EPS15L1: variants seen among roughly 807,000 people sequenced by gnomAD.
EPS15L1 encodes the protein epidermal growth factor receptor substrate 15-like 1.
A neutral mutation model predicts 117.1 loss-of-function variants in EPS15L1; 43 were observed. The observed-to-expected ratio is 0.37, with a 90% CI of 0.29 to 0.47. EPS15L1 has a LOEUF of 0.47. Ranked by LOEUF, EPS15L1 falls within the 20% of genes least tolerant of loss-of-function variation. The pLI is 0.99. For synonymous variants in EPS15L1, 459 were observed against 470.5 expected (o/e 0.98, Z 0.32); for missense variants, 981 against 1,164.0 (o/e 0.84, Z 2.29).
intron 6 of EPS15L1, among the ~76,000 whole-genome samples, chr19:16,436,320 G>A (rs1335343323): frequency 2.0e-5 from 3 of 152,226 alleles, no homozygotes; most frequent in Non-Finnish European, 4.4e-5. Flanking sequence ...TACTTGGAGG[G>A]ACCATGCTCA....
At chr19:16,393,593 G>A (rs960877975) in intron 18 of EPS15L1, among the ~76,000 whole-genome samples, 6 of 149,414 alleles carry the variant, frequency 4.0e-5, no homozygotes, top group Admixed American at 1.3e-4. Context: ...AGCTTGCAGT[G>A]AGCCGAGATC....
At chr19:16,413,644 A>T in intron 13 of EPS15L1, 129 bp downstream of exon 13, 1 of 778,310 alleles carries the variant, frequency 1.3e-6, no homozygotes, top group Admixed American at 2.6e-5. Flanking sequence ...TTCATTCTGC[A>T]GCCCCCAAGA....
chr19:16,392,031 G>A (rs572880010), intron 19 of EPS15L1, among the ~76,000 whole-genome samples: 1 of 152,178 alleles, frequency 6.6e-6, no homozygotes, highest in Non-Finnish European at 1.5e-5. Context: ...AGAACTATGG[G>A]TGACATCCTC....
intron 1 of EPS15L1, among the ~76,000 whole-genome samples, chr19:16,457,116 C>A (rs572650916): frequency 2.8e-4 from 43 of 152,292 alleles, no homozygotes; most frequent in Admixed American, 5.2e-4. Context: ...GGGACTGCAG[C>A]GACTCACAAT....
rs752707354 is a variant in EPS15L1, at chr19:16,442,202, C to T, written c.51G>A (p.Ser17=). 2.0e-5 allele frequency: 33 copies of T among 1,613,474 alleles called. No homozygotes were observed. Among genetic ancestry groups the T allele is most frequent in the East Asian group, 4.5e-5 (2 of 44,882 alleles). ...PLSQQIPTGN[S]LYESYYKQVD... ...CCTGCTTGTAATAAGATTCATACAA[C>T]GAATTTCCAGTGGGAATCTGTAAAT... Residue 17 remains serine (S), a synonymous_variant, in exon 2 of 24, where the codon TCG becomes TCA. Transcript: ENST00000455140.
chr19:16,450,039 G>T (rs904173463), intron 1 of EPS15L1, among the ~76,000 whole-genome samples: 1 of 151,842 alleles, frequency 6.6e-6, no homozygotes, highest in African/African-American at 2.4e-5. Context: ...AAGGGCAACA[G>T]GAGGGACGTG....
intron 8 of EPS15L1, 50 bp downstream of exon 8, chr19:16,428,652 A>C: frequency 1.4e-6 from 2 of 1,442,710 alleles, no homozygotes; most frequent in Non-Finnish European, 1.9e-6. Flanking sequence ...ACCCCTGCGC[A>C]CTGCACATTT....
intron 16 of EPS15L1, among the ~76,000 whole-genome samples, chr19:16,397,079 AT>A (rs2092548202): frequency 6.6e-6 from 1 of 151,142 alleles, no homozygotes; most frequent in South Asian, 2.1e-4. Flanking sequence ...GTTTATGTCT[AT>A]TTTTCTTTCT....
At chr19:16,373,453 G>C (rs530599735) in intron 22 of EPS15L1, among the ~76,000 whole-genome samples, 1 of 150,516 alleles carries the variant, frequency 6.6e-6, no homozygotes, top group African/African-American at 2.4e-5. Context: ...ATAAAGTCCA[G>C]CAGTTTGAAA....
chr19:16,400,688 C>T (rs2092591790), intron 16 of EPS15L1: 2 of 985,310 alleles, frequency 2.0e-6, no homozygotes, highest in Admixed American at 1.2e-4. Context: ...TTTCGGATGC[C>T]AGTTGCAAGT....
At chr19:16,465,202 T>G (rs1353104837) in intron 1 of EPS15L1, among the ~76,000 whole-genome samples, 1 of 152,170 alleles carries the variant, frequency 6.6e-6, no homozygotes, top group Non-Finnish European at 1.5e-5. Flanking sequence ...AAGCTTGGCC[T>G]ACACCAAACA....
chr19:16,374,921 C>T (rs1381743299), intron 22 of EPS15L1, among the ~76,000 whole-genome samples: 1 of 152,214 alleles, frequency 6.6e-6, no homozygotes, highest in African/African-American at 2.4e-5. Context: ...GTGTAATGCT[C>T]ACCTGTATTC....
chr19:16,413,977 G>A (rs1055948803), intron 12 of EPS15L1, 132 bp from the exon 13 acceptor site: 20 of 680,420 alleles, frequency 2.9e-5, no homozygotes, highest in Middle Eastern at 2.4e-4. Flanking sequence ...GAGACCCAGC[G>A]ACTGCTCGCC....
chr19:16,361,270 A>AC (rs11413626), intron 23 of EPS15L1, among the ~76,000 whole-genome samples: 11 of 150,674 alleles, frequency 7.3e-5, no homozygotes, highest in Non-Finnish European at 1.5e-4. Flanking sequence ...AAAAAAAAAA[A>AC]CTTCAAATTG....
Position 16,355,623 on chromosome 19 carries a change from G to GT in EPS15L1, c.*81dup. ...GTCCTTGGAGTACGGTGGCGACGGT[G>GT]TGTGTGTGTATATATAGACATCTGC... On this transcript the variant is annotated 3_prime_UTR_variant, in exon 24 of 24. Transcript: ENST00000455140. 6.9e-7 allele frequency: 1 copy of GT among 1,444,172 alleles called. No homozygotes were observed. Among genetic ancestry groups the GT allele is most frequent in the Non-Finnish European group, 9.3e-7 (1 of 1,080,980 alleles). 89.5% of individuals were successfully genotyped at this position (1,444,172 alleles called of 1,614,324 possible). A position where few individuals can be genotyped will look rare whatever the true frequency, so the allele number is the denominator to read the frequency against.
chr19:16,421,410 C>T lies in EPS15L1; in HGVS notation c.859G>A (p.Asp287Asn), dbSNP rs1275927598. ...MRFDEIFLKT[D>N]LDLDGYVSGQ... The stretch of plus-strand genomic sequence containing the variant: ...CTCACGTAGCCATCCAGGTCCAGGT[C>T]GGTCTTCAGGAATATCTCATCAAAT... Residue 287 changes from aspartate to asparagine, a missense_variant, in exon 10 of 24, where the codon GAC (aspartate) becomes AAC (asparagine). Coordinates refer to ENST00000455140, the MANE Select transcript of EPS15L1 (RefSeq NM_001258374.3). The T allele has an allele frequency of 1.9e-6, 3 of 1,614,094 alleles. No individual in the cohort carries two copies. Among genetic ancestry groups the T allele is most frequent in the Non-Finnish European group, 2.5e-6 (3 of 1,179,974 alleles).
At chr19:16,464,648 T>G (rs1362648859) in intron 1 of EPS15L1, among the ~76,000 whole-genome samples, 1 of 152,190 alleles carries the variant, frequency 6.6e-6, no homozygotes. Flanking sequence ...TGAAAGGCTA[T>G]TCCCCATGGC....
intron 4 of EPS15L1, 131 bp downstream of exon 4, chr19:16,440,731 G>A: frequency 1.4e-6 from 1 of 719,480 alleles, no homozygotes; most frequent in Admixed American, 2.4e-5. Flanking sequence ...AACTTCCCGT[G>A]TTAAGTTTGA....
intron 8 of EPS15L1, 46 bp downstream of exon 8, chr19:16,428,656 C>A: frequency 6.6e-7 from 1 of 1,516,098 alleles, no homozygotes; most frequent in East Asian, 2.3e-5. Flanking sequence ...CTGCGCACTG[C>A]ACATTTCCTT....
Sources: gnomAD v4.1 joint callset for allele counts (sites outside exome capture counted in the v4.1 genomes callset) on GRCh38, gnomAD v4.1.1 for gene constraint, MANE v1.5 for transcripts, NCBI Gene and HGNC (gene_info 2026-07-23, HGNC 2026-07-21) for gene names.